Variants in GRXCR1 observed in about 807,000 individuals in gnomAD.
GRXCR1 encodes glutaredoxin domain-containing cysteine-rich protein 1.
GRXCR1 carries 27 observed loss-of-function variants against 27.3 expected under a neutral mutation model. The observed-to-expected ratio is 0.99, with a 90% CI of 0.73 to 1.37. The LOEUF (loss-of-function observed/expected upper bound fraction) is 1.37. Ranked by LOEUF, GRXCR1 falls within the 40% of genes most tolerant of loss-of-function variation. GRXCR1 has a pLI of 0.00. For synonymous variants in GRXCR1, 122 were observed against 131.1 expected (o/e 0.93, Z 0.47); for missense variants, 379 against 354.4 (o/e 1.07, Z -0.56).
At chr4:42,894,881 T>C (rs1746313961) in intron 1 of GRXCR1, among the ~76,000 whole-genome samples, 1 of 151,560 alleles carries the variant, frequency 6.6e-6, no homozygotes, top group African/African-American at 2.4e-5. Context: ...ATGCAGAAAT[T>C]ATTATTGCTA....
intron 2 of GRXCR1, among the ~76,000 whole-genome samples, chr4:43,013,414 A>T (rs555953701): frequency 4.4e-4 from 67 of 152,256 alleles, no homozygotes; most frequent in African/African-American, 1.6e-3. Context: ...CTCATTTATA[A>T]GGGGGAGCTA....
chr4:42,911,778 T>C (rs1418610057), intron 1 of GRXCR1, among the ~76,000 whole-genome samples: 1 of 152,140 alleles, frequency 6.6e-6, no homozygotes, highest in Non-Finnish European at 1.5e-5. Context: ...GTGGTTAGTG[T>C]GAGGATTAAA....
At chr4:42,898,793 AG>A (rs1746403751) in intron 1 of GRXCR1, among the ~76,000 whole-genome samples, 1 of 150,006 alleles carries the variant, frequency 6.7e-6, no homozygotes, top group Admixed American at 6.6e-5. Context: ...ATGTATCCTG[AG>A]AAATTCTTAT....
chr4:42,978,602 A>C (rs1748577365), intron 2 of GRXCR1, among the ~76,000 whole-genome samples: 1 of 152,040 alleles, frequency 6.6e-6, no homozygotes, highest in Non-Finnish European at 1.5e-5. Context: ...AAGATAGTTT[A>C]GTGTTAATAT....
intron 1 of GRXCR1, among the ~76,000 whole-genome samples, chr4:42,943,968 G>T (rs1472678028): frequency 6.6e-6 from 1 of 151,986 alleles, no homozygotes; most frequent in Non-Finnish European, 1.5e-5. Context: ...CTAAGGTTGA[G>T]AAACTGTATT....
intron 1 of GRXCR1, among the ~76,000 whole-genome samples, chr4:42,925,975 A>G (rs746342140): frequency 2.8e-4 from 42 of 152,148 alleles, no homozygotes; most frequent in Middle Eastern, 3.4e-3. Flanking sequence ...AAATACTGCC[A>G]TGGAAAAAAC....
At chr4:42,977,610 T>A (rs1269543658) in intron 2 of GRXCR1, among the ~76,000 whole-genome samples, 1 of 152,052 alleles carries the variant, frequency 6.6e-6, no homozygotes, top group African/African-American at 2.4e-5. Flanking sequence ...TTATGCCTTC[T>A]TTTGATAAAT....
At chr4:42,970,656 G>T (rs1748363304) in intron 2 of GRXCR1, among the ~76,000 whole-genome samples, 1 of 152,128 alleles carries the variant, frequency 6.6e-6, no homozygotes, top group Non-Finnish European at 1.5e-5. Flanking sequence ...GGGGCCCTGG[G>T]GATGGCCCAT....
intron 3 of GRXCR1, among the ~76,000 whole-genome samples, chr4:43,023,262 G>C (rs1713148202): frequency 1.3e-5 from 2 of 152,078 alleles, no homozygotes; most frequent in Admixed American, 6.6e-5. Flanking sequence ...CTGTTACTTG[G>C]GTTGCTACAT....
At position 43,025,792 on chromosome 4, in the gene GRXCR1, C is replaced by T. The variant is rs1275210013; in HGVS notation, c.694-4569C>T. Among the ~76,000 whole-genome samples the T allele has an allele frequency of 2.0e-5, 3 of 152,002 alleles. No homozygotes were observed. The East Asian group carries it at 5.8e-4, about 29-fold the overall frequency. ...GAGATCGAGACCATCCTGGCTAACACGGTGAAACCCCGTCTCTACTAAAAA... is the reference window on the plus strand; with the variant it reads ...GAGATCGAGACCATCCTGGCTAACATGGTGAAACCCCGTCTCTACTAAAAA... On this transcript the variant is annotated intron_variant, in intron 3 of 3. Transcript: ENST00000399770.
chr4:43,020,981 A>G (rs1713075896), intron 3 of GRXCR1, among the ~76,000 whole-genome samples: 1 of 152,188 alleles, frequency 6.6e-6, no homozygotes, highest in Non-Finnish European at 1.5e-5. Flanking sequence ...TATTTGTAAG[A>G]AGATTCTATA....
At chr4:42,930,998 T>C (rs1016742444) in intron 1 of GRXCR1, among the ~76,000 whole-genome samples, 1 of 151,840 alleles carries the variant, frequency 6.6e-6, no homozygotes, top group Non-Finnish European at 1.5e-5. Flanking sequence ...AGTGATGACA[T>C]GGAATATATG....
At chr4:42,918,057 C>T (rs1382237384) in intron 1 of GRXCR1, among the ~76,000 whole-genome samples, 1 of 151,998 alleles carries the variant, frequency 6.6e-6, no homozygotes, top group Non-Finnish European at 1.5e-5. Flanking sequence ...CAGCAGAGAT[C>T]AGAATAAATA....
chr4:43,021,833 T>C (rs1280358800), intron 3 of GRXCR1, among the ~76,000 whole-genome samples: 1 of 152,214 alleles, frequency 6.6e-6, no homozygotes, highest in Non-Finnish European at 1.5e-5. Context: ...GTAAAATGTT[T>C]TAAATCTCCT....
chr4:42,979,516 T>C (rs1169545877), intron 2 of GRXCR1, among the ~76,000 whole-genome samples: 1 of 152,078 alleles, frequency 6.6e-6, no homozygotes, highest in Non-Finnish European at 1.5e-5. Flanking sequence ...ATGGTGAATC[T>C]TTTCAATGTG....
At chr4:42,994,817 A>G (rs1190368654) in intron 2 of GRXCR1, among the ~76,000 whole-genome samples, 1 of 152,002 alleles carries the variant, frequency 6.6e-6, no homozygotes, top group Non-Finnish European at 1.5e-5. Flanking sequence ...GTTCACTGTT[A>G]GTTTATCCTT....
intron 1 of GRXCR1, among the ~76,000 whole-genome samples, chr4:42,909,817 T>C (rs1746678504): frequency 6.6e-6 from 1 of 152,148 alleles, no homozygotes; most frequent in South Asian, 2.1e-4. Context: ...TCAAACTTCT[T>C]AATCTGGTGT....
intron 2 of GRXCR1, among the ~76,000 whole-genome samples, chr4:43,005,271 T>C (rs532545470): frequency 6.6e-6 from 1 of 152,272 alleles, no homozygotes; most frequent in South Asian, 2.1e-4. Flanking sequence ...AAATTGTGAG[T>C]CAATTAAACC....
chr4:42,929,163 A>G (rs1204221572), intron 1 of GRXCR1, among the ~76,000 whole-genome samples: 1 of 151,938 alleles, frequency 6.6e-6, no homozygotes, highest in East Asian at 1.9e-4. Context: ...TGCATAGGTT[A>G]TGTAAGGATG....
Sources: allele counts gnomAD v4.1 joint callset (sites outside exome capture counted in the v4.1 genomes callset), GRCh38; gene constraint gnomAD v4.1.1; transcripts MANE v1.5; gene names NCBI Gene and HGNC (gene_info 2026-07-23, HGNC 2026-07-21).